Variants in CUL3 observed in about 807,000 individuals in gnomAD.
CUL3 encodes the protein cullin-3.
Under a neutral mutation model 89.1 loss-of-function variants are expected in CUL3, and 19 were observed. That is an observed-to-expected ratio of 0.21 (90% CI 0.15 to 0.31). CUL3 has a LOEUF of 0.31. Ranked by LOEUF, CUL3 falls within the 10% of genes least tolerant of loss-of-function variation. The pLI, the probability that CUL3 is intolerant of heterozygous loss-of-function variation, is 1.00. For missense variants in CUL3, 469 were observed against 942.3 expected, an observed-to-expected ratio of 0.50 and a Z score of 6.58; for synonymous variants, 351 against 308.4, an observed-to-expected ratio of 1.14 and a Z score of -1.45.
At chr2:224,516,899 C>T (rs906552841) in intron 3 of CUL3, among the ~76,000 whole-genome samples, 1 of 152,142 alleles carries the variant, frequency 6.6e-6, no homozygotes, top group African/African-American at 2.4e-5. Flanking sequence ...CCCACCTCGG[C>T]CTCCCAAAGT....
At chr2:224,552,758 A>G (rs1694562690) in intron 2 of CUL3, among the ~76,000 whole-genome samples, 1 of 152,224 alleles carries the variant, frequency 6.6e-6, no homozygotes, top group Non-Finnish European at 1.5e-5. Context: ...CCATAGCACT[A>G]AAAGCACTTT....
chr2:224,555,414 C>T (rs182785537), intron 2 of CUL3, among the ~76,000 whole-genome samples: 1 of 152,268 alleles, frequency 6.6e-6, no homozygotes, highest in East Asian at 1.9e-4. Context: ...TATAAACCTC[C>T]TCTCAATTTT....
At chr2:224,523,764 G>A (rs376487181) in intron 3 of CUL3, among the ~76,000 whole-genome samples, 2 of 152,172 alleles carry the variant, frequency 1.3e-5, no homozygotes, top group Non-Finnish European at 2.9e-5. Flanking sequence ...CACATATGCC[G>A]TAATACGATG....
chr2:224,496,092 G>A (rs996586290), intron 12 of CUL3, 126 bp from the exon 13 acceptor site: 13 of 961,102 alleles, frequency 1.4e-5, no homozygotes, highest in South Asian at 8.4e-5. Context: ...GTGCAGTGGC[G>A]CAAACACAGC....
chr2:224,558,969 T>C (rs1327508311), intron 1 of CUL3, among the ~76,000 whole-genome samples: 3 of 150,954 alleles, frequency 2.0e-5, no homozygotes, highest in African/African-American at 7.3e-5. Flanking sequence ...GGCAGGAGAA[T>C]GGTGTGAGCC....
At chr2:224,481,075 T>A (rs1345607207) in intron 14 of CUL3, among the ~76,000 whole-genome samples, 1 of 152,138 alleles carries the variant, frequency 6.6e-6, no homozygotes, top group Non-Finnish European at 1.5e-5. Context: ...ACTGTATATT[T>A]AACATTACTT....
intron 1 of CUL3, among the ~76,000 whole-genome samples, chr2:224,583,434 G>A (rs1253935227): frequency 6.6e-6 from 1 of 152,104 alleles, no homozygotes; most frequent in East Asian, 1.9e-4. Context: ...ACTCTAAAGT[G>A]GTCAGAATTT....
intron 2 of CUL3, among the ~76,000 whole-genome samples, chr2:224,556,928 T>A (rs1694730280): frequency 6.6e-6 from 1 of 152,088 alleles, no homozygotes; most frequent in Non-Finnish European, 1.5e-5. Context: ...CATCGTGCTA[T>A]TCATGAAACT....
At chr2:224,507,094 T>C (rs1217790479) in intron 6 of CUL3, 91 bp from the exon 7 acceptor site, 16 of 1,173,408 alleles carry the variant, frequency 1.4e-5, no homozygotes, top group Non-Finnish European at 1.6e-5. Flanking sequence ...GAGAAGCTTA[T>C]TTCTCCATTA....
chr2:224,497,778 G>A lies in CUL3; in HGVS notation c.1682C>T (p.Ala561Val). ...CTTTTTAACTGGTCCATAAAATGTGGCATTGAGATCTGCAGAACCCATATG... is the reference window on the plus strand; with the variant it reads ...CTTTTTAACTGGTCCATAAAATGTGACATTGAGATCTGCAGAACCCATATG... Reference protein sequence around the residue: ...QHHMGSADLNATFYGPVKKED... With the variant: ...QHHMGSADLNVTFYGPVKKED... Residue 561 changes from alanine to valine, a missense_variant, in exon 12 of 16, where the codon GCC becomes GTC. Coordinates refer to ENST00000264414, the MANE Select transcript of CUL3 (RefSeq NM_003590.5). 2 of 1,613,538 alleles carry A rather than the reference G, an allele frequency of 1.2e-6. No homozygotes were observed. The highest frequency in any genetic ancestry group is 1.7e-6 in the Non-Finnish European group (2 of 1,179,576).
At chr2:224,563,247 ATAC>A in intron 1 of CUL3, 1 of 471,358 alleles carries the variant, frequency 2.1e-6, no homozygotes, top group Non-Finnish European at 4.4e-6. Flanking sequence ...CATCTCTTGT[ATAC>A]TACTTTTCCA....
At chr2:224,535,249 C>T (rs1218276665) in intron 3 of CUL3, among the ~76,000 whole-genome samples, 1 of 152,116 alleles carries the variant, frequency 6.6e-6, no homozygotes, top group Admixed American at 6.5e-5. Context: ...TGCAGTGGCA[C>T]GATCTTGGCT....
chr2:224,531,743 A>T (rs1693703840), intron 3 of CUL3, among the ~76,000 whole-genome samples: 1 of 152,202 alleles, frequency 6.6e-6, no homozygotes, highest in South Asian at 2.1e-4. Flanking sequence ...GTGACATTAA[A>T]GAAAAAAAAA....
intron 15 of CUL3, chr2:224,474,645 C>T (rs539457401): frequency 1.8e-5 from 6 of 333,618 alleles, no homozygotes; most frequent in Non-Finnish European, 3.3e-5. Flanking sequence ...CATATGCCAC[C>T]TATAGTTTAA....
intron 2 of CUL3, among the ~76,000 whole-genome samples, chr2:224,545,175 G>A (rs950070516): frequency 6.6e-6 from 1 of 151,870 alleles, no homozygotes; most frequent in African/African-American, 2.4e-5. Context: ...AAGTTTTGTA[G>A]GTATTTTAAA....
chr2:224,524,639 C>G (rs1395722069), intron 3 of CUL3, among the ~76,000 whole-genome samples: 1 of 152,178 alleles, frequency 6.6e-6, no homozygotes, highest in Non-Finnish European at 1.5e-5. Flanking sequence ...CTAGCCTCAA[C>G]TAGATCACGG....
chr2:224,562,730 T>C (rs569497894), intron 1 of CUL3: 6 of 152,000 alleles, frequency 3.9e-5, no homozygotes, highest in Non-Finnish European at 7.3e-5. Context: ...TTAGAACTTA[T>C]ATATCCCAAA....
intron 2 of CUL3, among the ~76,000 whole-genome samples, chr2:224,548,760 T>C (rs892029994): frequency 3.3e-5 from 5 of 152,104 alleles, no homozygotes; most frequent in African/African-American, 9.7e-5. Flanking sequence ...TCCCAGCACT[T>C]TGGGAGGCGG....
chr2:224,516,049 C>T (rs1191785536), intron 3 of CUL3, among the ~76,000 whole-genome samples: 1 of 152,126 alleles, frequency 6.6e-6, no homozygotes, highest in Non-Finnish European at 1.5e-5. Flanking sequence ...CATCATTCCT[C>T]CAACCTTCTC....
Sources: allele counts gnomAD v4.1 joint callset (sites outside exome capture counted in the v4.1 genomes callset), GRCh38; gene constraint gnomAD v4.1.1; transcripts MANE v1.5; gene names NCBI Gene and HGNC (gene_info 2026-07-23, HGNC 2026-07-21).